Variants in MAN1A2 observed in about 807,000 individuals in gnomAD.
The protein encoded by MAN1A2 is mannosidase alpha class 1A member 2, also known as mannosyl-oligosaccharide 1,2-alpha-mannosidase IB.
A neutral mutation model predicts 75.7 loss-of-function variants in MAN1A2; 26 were observed. The observed-to-expected ratio is 0.34, with a 90% CI of 0.25 to 0.48. The LOEUF is 0.48. Among genes scored for constraint, MAN1A2 ranks in the 20% least tolerant of loss-of-function variants. The probability of loss-of-function intolerance (pLI) is 0.99; values close to 1 mark genes in which losing one functional copy is unlikely to be tolerated. For missense variants in MAN1A2, 562 were observed against 775.5 expected, an observed-to-expected ratio of 0.72 and a Z score of 3.27; for synonymous variants, 247 against 264.6, an observed-to-expected ratio of 0.93 and a Z score of 0.65.
In MAN1A2 at chr1:117,507,144, A is replaced by G. The variant is rs1651399402; in HGVS notation, c.1793+4174A>G. ...TAGAAGGATATGTTTCCAGCTTGAAAGACACCATCAAGATCCCAGCATAGA... is the reference window on the plus strand; with the variant it reads ...TAGAAGGATATGTTTCCAGCTTGAAGGACACCATCAAGATCCCAGCATAGA... On this transcript the variant is annotated intron_variant, in intron 12 of 12. Transcript: ENST00000356554. Among the ~76,000 whole-genome samples the G allele has an allele frequency of 2.0e-5, 3 of 151,594 alleles. No individual in the cohort carries two copies. The Admixed American group carries it at 2.0e-4, about 10-fold the overall frequency.
intron 1 of MAN1A2, among the ~76,000 whole-genome samples, chr1:117,397,119 A>G (rs1396981476): frequency 6.6e-6 from 1 of 152,162 alleles, no homozygotes; most frequent in Non-Finnish European, 1.5e-5. Flanking sequence ...AGTTTCTCTT[A>G]GGACCAGTCT....
At chr1:117,430,198 C>T (rs1393281780) in intron 5 of MAN1A2, among the ~76,000 whole-genome samples, 10 of 93,066 alleles carry the variant, frequency 1.1e-4, no homozygotes, top group African/African-American at 4.1e-4. Flanking sequence ...GGCGGCTGGC[C>T]GGGCGGGGGG....
chr1:117,368,448 G>A lies in MAN1A2; in HGVS notation c.265G>A (p.Val89Ile), dbSNP rs765659196. ...CGGTAAAGGGGCTAAAAACCCCGGA[G>A]TCTTCCTGATCCATGGACCCGATGA... ...DAGKGAKNPG[V>I]FLIHGPDEHR... The change falls in exon 1 of 13, where the codon GTC (valine) becomes ATC (isoleucine). Residue 89 changes from valine to isoleucine, a missense_variant. Physicochemically the swap from Val to Ile is conservative, Grantham distance 29 (BLOSUM62 3). Coordinates refer to ENST00000356554, the MANE Select transcript of MAN1A2 (RefSeq NM_006699.5). The A allele has an allele frequency of 1.2e-6, 2 of 1,613,604 alleles. No homozygotes were observed. The highest frequency in any genetic ancestry group is 2.2e-5 in the East Asian group (1 of 44,882).
At chr1:117,457,150 A>G (rs1035933638) in intron 6 of MAN1A2, among the ~76,000 whole-genome samples, 1 of 152,154 alleles carries the variant, frequency 6.6e-6, no homozygotes, top group Non-Finnish European at 1.5e-5. Context: ...ACAATTTAAT[A>G]TGATTGTAGA....
intron 11 of MAN1A2, among the ~76,000 whole-genome samples, chr1:117,501,720 A>G (rs1288542994): frequency 2.0e-5 from 3 of 151,840 alleles, no homozygotes; most frequent in African/African-American, 7.2e-5. Context: ...AAATGGAGCT[A>G]TAAAATGAGC....
intron 5 of MAN1A2, among the ~76,000 whole-genome samples, chr1:117,428,784 C>CTTTTTT (rs780515731): frequency 1.3e-4 from 14 of 110,062 alleles, no homozygotes; most frequent in African/African-American, 2.8e-4. Context: ...GGAGACCTTT[C>CTTTTTT]TTTTTTTTTT....
intron 8 of MAN1A2, among the ~76,000 whole-genome samples, chr1:117,470,886 G>T (rs1318133409): frequency 6.6e-6 from 1 of 151,894 alleles, no homozygotes; most frequent in East Asian, 1.9e-4. Flanking sequence ...TATAATTAGA[G>T]TAATGATAAT....
intron 6 of MAN1A2, among the ~76,000 whole-genome samples, chr1:117,458,507 A>G (rs12743363): frequency 0.13 from 14,523 of 111,464 alleles, 1,073 homozygotes; most frequent in Admixed American, 0.23. Flanking sequence ...CTATATATAT[A>G]TATAGATATA....
At chr1:117,473,385 C>G (rs77513710) in intron 8 of MAN1A2, among the ~76,000 whole-genome samples, 5,876 of 152,110 alleles carry the variant, frequency 0.039, 261 homozygotes, top group East Asian at 0.22. Flanking sequence ...TAAATAGCAT[C>G]CTAATTGGCC....
At chr1:117,476,943 A>T (rs757359127) in intron 8 of MAN1A2, among the ~76,000 whole-genome samples, 4 of 151,944 alleles carry the variant, frequency 2.6e-5, no homozygotes, top group Non-Finnish European at 4.4e-5. Context: ...GTAAATTACT[A>T]TGGGCAGTAT....
intron 12 of MAN1A2, among the ~76,000 whole-genome samples, chr1:117,519,443 C>T (rs753006044): frequency 3.2e-4 from 49 of 151,832 alleles, no homozygotes; most frequent in Admixed American, 1.1e-3. Flanking sequence ...GCAAGATTAA[C>T]CAAGAAAAGA....
chr1:117,478,648 A>G (rs1650395944), intron 8 of MAN1A2, among the ~76,000 whole-genome samples: 1 of 151,942 alleles, frequency 6.6e-6, no homozygotes, highest in Non-Finnish European at 1.5e-5. Flanking sequence ...CTATTATTTC[A>G]GCATCATTGG....
At chr1:117,389,287 A>C (rs1281906023) in intron 1 of MAN1A2, among the ~76,000 whole-genome samples, 1 of 152,146 alleles carries the variant, frequency 6.6e-6, no homozygotes, top group Non-Finnish European at 1.5e-5. Flanking sequence ...GACTGGTTTC[A>C]TAGAAGATAA....
At chr1:117,501,738 T>A (rs1226240533) in intron 11 of MAN1A2, among the ~76,000 whole-genome samples, 1 of 151,752 alleles carries the variant, frequency 6.6e-6, no homozygotes, top group African/African-American at 2.4e-5. Flanking sequence ...AGCAGATTGA[T>A]TAAATAAACA....
At chr1:117,387,045 C>T (rs772578735) in intron 1 of MAN1A2, among the ~76,000 whole-genome samples, 2 of 151,708 alleles carry the variant, frequency 1.3e-5, no homozygotes, top group African/African-American at 2.4e-5. Flanking sequence ...ACAACAACAA[C>T]AAAAAACCTG....
At chr1:117,451,563 A>G (rs567703985) in intron 6 of MAN1A2, among the ~76,000 whole-genome samples, 4 of 152,342 alleles carry the variant, frequency 2.6e-5, no homozygotes, top group South Asian at 2.1e-4. Context: ...CTCATCTTCA[A>G]TTCCCATGTG....
rs1412105499 is a variant in MAN1A2, at chr1:117,527,662, G to T, written c.*4705G>T. 5 of 151,918 alleles carry T rather than the reference G, an allele frequency of 3.3e-5. No homozygotes were observed. Among genetic ancestry groups the T allele is most frequent in the Admixed American group, 3.3e-4 (5 of 15,222 alleles). 9.4% of individuals were successfully genotyped at this position (151,918 alleles called of 1,614,324 possible). On this transcript the variant is annotated 3_prime_UTR_variant, in exon 13 of 13. Transcript: ENST00000356554. Reference sequence around the variant, plus strand: ...CTTGTCATTTAATGCCATAATTTCAGATTCTCTATGTAAAAAGAAGGTCTG... The same window carrying T: ...CTTGTCATTTAATGCCATAATTTCATATTCTCTATGTAAAAAGAAGGTCTG...
At chr1:117,456,541 T>C (rs1649587300) in intron 6 of MAN1A2, among the ~76,000 whole-genome samples, 1 of 152,062 alleles carries the variant, frequency 6.6e-6, no homozygotes, top group Admixed American at 6.6e-5. Context: ...CTTGTGTATT[T>C]ATCTAAATTT....
chr1:117,486,247 T>C (rs1338489615), intron 8 of MAN1A2, among the ~76,000 whole-genome samples: 2 of 151,928 alleles, frequency 1.3e-5, no homozygotes, highest in Non-Finnish European at 2.9e-5. Flanking sequence ...AGATGGTAAA[T>C]GTATTAAAAA....
Sources: gnomAD v4.1 joint callset for allele counts (sites outside exome capture counted in the v4.1 genomes callset) on GRCh38, gnomAD v4.1.1 for gene constraint, MANE v1.5 for transcripts, NCBI Gene and HGNC (gene_info 2026-07-23, HGNC 2026-07-21) for gene names.